The following CLSTN2 variants were observed in gnomAD, a reference collection of about 807,000 sequenced individuals.
CLSTN2 encodes the protein calsyntenin-2.
CLSTN2 carries 48 observed loss-of-function variants against 101.2 expected under a neutral mutation model. That is an observed-to-expected ratio of 0.47 (90% CI 0.38 to 0.60). The LOEUF is 0.60. CLSTN2 is among the 20% of genes least tolerant of loss of function. CLSTN2 has a pLI of 0.00. For missense variants in CLSTN2, 1,160 were observed against 1,238.2 expected, an observed-to-expected ratio of 0.94 and a Z score of 0.95; for synonymous variants, 481 against 463.6, an observed-to-expected ratio of 1.04 and a Z score of -0.48.
chr3:140,147,770 C>T (rs995193722), intron 1 of CLSTN2, among the ~76,000 whole-genome samples: 9 of 152,256 alleles, frequency 5.9e-5, no homozygotes, highest in Middle Eastern at 3.4e-3. Flanking sequence ...CTTCCCTCCT[C>T]GCAACCCCTA....
chr3:140,479,323 A>G (rs770230047), intron 8 of CLSTN2, among the ~76,000 whole-genome samples: 1 of 152,350 alleles, frequency 6.6e-6, no homozygotes, highest in East Asian at 1.9e-4. Flanking sequence ...ACACACCTCT[A>G]TAAAGGATAA....
intron 1 of CLSTN2, among the ~76,000 whole-genome samples, chr3:140,148,527 G>A (rs1453087810): frequency 6.6e-6 from 1 of 152,178 alleles, no homozygotes; most frequent in African/African-American, 2.4e-5. Flanking sequence ...ACCCACTAAT[G>A]TAATGATAAT....
intron 1 of CLSTN2, among the ~76,000 whole-genome samples, chr3:140,028,818 C>T (rs1020080267): frequency 6.6e-6 from 1 of 152,154 alleles, no homozygotes; most frequent in Non-Finnish European, 1.5e-5. Flanking sequence ...ACACATAGGT[C>T]AGAAGGACAG....
chr3:140,431,642 C>T (rs1047757376), intron 5 of CLSTN2, among the ~76,000 whole-genome samples: 1 of 152,146 alleles, frequency 6.6e-6, no homozygotes, highest in African/African-American at 2.4e-5. Flanking sequence ...TACATTCTTC[C>T]TCTGGTTCCT....
Position 140,566,421 on chromosome 3 carries a change from C to A in CLSTN2, c.*168C>A. 1.5e-6 allele frequency: 1 copy of A among 668,018 alleles called. No homozygotes were observed. The allele number at this position is 668,018 out of a possible 1,614,324, so 41.4% of individuals were successfully genotyped here. On this transcript the variant is annotated 3_prime_UTR_variant, in exon 17 of 17. Transcript: ENST00000458420. ...GCCTTGGGCACTCCCTGTGTTTCATCCATGGGGAAGTTCCAAGAAGCCCAG... is the reference window on the plus strand; with the variant it reads ...GCCTTGGGCACTCCCTGTGTTTCATACATGGGGAAGTTCCAAGAAGCCCAG...
intron 8 of CLSTN2, among the ~76,000 whole-genome samples, chr3:140,522,552 T>C (rs1052334069): frequency 2.0e-5 from 3 of 152,192 alleles, no homozygotes; most frequent in African/African-American, 7.2e-5. Flanking sequence ...AATAAGGCTG[T>C]TGGAGTAAAG....
intron 2 of CLSTN2, among the ~76,000 whole-genome samples, chr3:140,330,616 C>T (rs1327848630): frequency 1.3e-5 from 2 of 152,160 alleles, no homozygotes; most frequent in Non-Finnish European, 2.9e-5. Flanking sequence ...GTACTAGTCT[C>T]AGGCTCTGCT....
chr3:140,354,856 C>G (rs966615114), intron 2 of CLSTN2, among the ~76,000 whole-genome samples: 1 of 152,234 alleles, frequency 6.6e-6, no homozygotes, highest in African/African-American at 2.4e-5. Flanking sequence ...TCAACATTTA[C>G]CTTTATAAGG....
chr3:140,342,610 A>G (rs572129909), intron 2 of CLSTN2, among the ~76,000 whole-genome samples: 120 of 152,274 alleles, frequency 7.9e-4, no homozygotes, highest in African/African-American at 2.8e-3. Flanking sequence ...AGAGAAAGCA[A>G]TGATCATTTC....
chr3:140,094,314 G>T (rs769299118), intron 1 of CLSTN2, among the ~76,000 whole-genome samples: 1 of 152,168 alleles, frequency 6.6e-6, no homozygotes, highest in Non-Finnish European at 1.5e-5. Context: ...AGTCTGTCTG[G>T]CTTTAGAGAC....
chr3:140,130,129 G>A (rs940665101), intron 1 of CLSTN2, among the ~76,000 whole-genome samples: 17 of 152,160 alleles, frequency 1.1e-4, no homozygotes, highest in Admixed American at 3.9e-4. Flanking sequence ...TCTAAACTTG[G>A]AGGAGGGCTG....
chr3:140,385,472 C>T (rs1446236985), intron 2 of CLSTN2, among the ~76,000 whole-genome samples: 1 of 150,158 alleles, frequency 6.7e-6, no homozygotes, highest in Non-Finnish European at 1.5e-5. Context: ...GGGTTCACGC[C>T]ATTCTCCTGC....
At chr3:140,502,979 T>C (rs748871859) in intron 8 of CLSTN2, among the ~76,000 whole-genome samples, 1 of 152,218 alleles carries the variant, frequency 6.6e-6, no homozygotes, top group Non-Finnish European at 1.5e-5. Flanking sequence ...CTGTGCTCCT[T>C]CTGGAGGCCC....
At chr3:140,059,375 C>T (rs533015205) in intron 1 of CLSTN2, among the ~76,000 whole-genome samples, 25 of 151,684 alleles carry the variant, frequency 1.6e-4, no homozygotes, top group African/African-American at 6.1e-4. Context: ...ACAAGAGGGA[C>T]TCCATAAATG....
intron 4 of CLSTN2, among the ~76,000 whole-genome samples, chr3:140,418,257 A>G (rs2088452980): frequency 6.6e-6 from 1 of 152,142 alleles, no homozygotes; most frequent in African/African-American, 2.4e-5. Flanking sequence ...AGTGTTACCA[A>G]CCAATACTGA....
chr3:140,469,785 T>C lies in CLSTN2; in HGVS notation c.1344+3054T>C, dbSNP rs140434134. On this transcript the variant is annotated intron_variant, in intron 8 of 16. Transcript: ENST00000458420. ...GCATAACAGTGAATGGATGTCAAGA[T>C]TAAAAGAAGGGAGAGATGAAGTGAG... Among the ~76,000 whole-genome samples, 27 of 151,906 alleles carry C rather than the reference T, an allele frequency of 1.8e-4. No individual in the cohort carries two copies. In the East Asian group the frequency reaches 5.0e-3, roughly 28 times the overall value.
At chr3:140,560,973 TAAAG>T (rs1043160453) in intron 12 of CLSTN2, among the ~76,000 whole-genome samples, 42 of 151,950 alleles carry the variant, frequency 2.8e-4, no homozygotes, top group African/African-American at 9.4e-4. Flanking sequence ...AAAATTAAGA[TAAAG>T]AAATTATTTA....
intron 5 of CLSTN2, among the ~76,000 whole-genome samples, chr3:140,433,991 T>G (rs1190982633): frequency 6.6e-6 from 1 of 152,194 alleles, no homozygotes; most frequent in Non-Finnish European, 1.5e-5. Flanking sequence ...GCAAAGTGCC[T>G]GTTAAATGGT....
intron 8 of CLSTN2, among the ~76,000 whole-genome samples, chr3:140,528,568 TGTCTGTAGGAGTTAAC>T (rs1458002260): frequency 6.6e-6 from 1 of 151,054 alleles, no homozygotes; most frequent in Non-Finnish European, 1.5e-5. Flanking sequence ...ATTTAGTAAA[TGTCTGTAGGAGTTAAC>T]GAATGAGTGA....
Sources: gnomAD v4.1 joint callset for allele counts (sites outside exome capture counted in the v4.1 genomes callset) on GRCh38, gnomAD v4.1.1 for gene constraint, MANE v1.5 for transcripts, NCBI Gene and HGNC (gene_info 2026-07-23, HGNC 2026-07-21) for gene names.